The following SLC22A16 variants were observed in gnomAD, a reference collection of about 807,000 sequenced individuals.
SLC22A16 encodes solute carrier family 22 member 16.
A neutral mutation model predicts 52.9 loss-of-function variants in SLC22A16; 53 were observed. The observed-to-expected ratio is 1.00, with a 90% confidence interval of 0.80 to 1.26. The LOEUF is 1.26. Among genes scored for constraint, SLC22A16 ranks in the 50% most tolerant of loss-of-function variants. The pLI is 0.00. For missense variants in SLC22A16, 726 were observed against 704.0 expected (o/e 1.03, Z -0.35); for synonymous variants, 291 against 268.8 (o/e 1.08, Z -0.81).
intron 1 of SLC22A16, among the ~76,000 whole-genome samples, chr6:110,469,755 T>C (rs551993085): frequency 6.6e-6 from 1 of 151,654 alleles, no homozygotes; most frequent in Non-Finnish European, 1.5e-5. Context: ...TAATTTTTTG[T>C]AAAATCAAGC....
At chr6:110,457,286 A>G (rs1473342302) in intron 1 of SLC22A16, among the ~76,000 whole-genome samples, 3 of 152,236 alleles carry the variant, frequency 2.0e-5, no homozygotes, top group Non-Finnish European at 4.4e-5. Flanking sequence ...CCATTCTCCA[A>G]TGAGAGGAGC....
chr6:110,446,319 G>A (rs1241169027), intron 3 of SLC22A16, among the ~76,000 whole-genome samples: 1 of 152,098 alleles, frequency 6.6e-6, no homozygotes, highest in Non-Finnish European at 1.5e-5. Context: ...ACTGAATCCT[G>A]AGAATAATAA....
intron 5 of SLC22A16, among the ~76,000 whole-genome samples, chr6:110,436,532 A>T (rs991702405): frequency 1.3e-5 from 2 of 152,220 alleles, no homozygotes; most frequent in African/African-American, 2.4e-5. Context: ...AAGCTAAGGC[A>T]GGAGGATCAT....
Position 110,427,260 on chromosome 6 carries a change from A to AAAAG in SLC22A16, c.1522-2176_1522-2175insCTTT, listed in dbSNP as rs1554222363. The stretch of plus-strand genomic sequence containing the variant: ...GAGACCCAATCTCAAAAAAAAAAAA[A>AAAAG]AAAAGAAAAAAAAGAAAGAAAGAAA... On this transcript the variant is annotated intron_variant, in intron 7 of 7. Transcript: ENST00000368919. 3.6e-4 allele frequency among the ~76,000 whole-genome samples: 50 copies of AAAAG among 137,986 alleles called. 2 individuals are homozygous for AAAAG. The highest frequency in any genetic ancestry group is 3.5e-3 in the Middle Eastern group (1 of 282). The allele number at this position is 137,986 out of a possible 152,430, so 90.5% of individuals were successfully genotyped here. A position where few individuals can be genotyped will look rare whatever the true frequency, so the allele number is the denominator to read the frequency against.
chr6:110,457,237 A>C (rs532821024), intron 1 of SLC22A16, among the ~76,000 whole-genome samples: 3 of 152,378 alleles, frequency 2.0e-5, no homozygotes, highest in African/African-American at 4.8e-5. Flanking sequence ...TCCCAAGAGC[A>C]GCAAGCACAC....
chr6:110,440,575 C>T (rs1340903307), intron 4 of SLC22A16, among the ~76,000 whole-genome samples: 5 of 152,076 alleles, frequency 3.3e-5, no homozygotes, highest in African/African-American at 7.2e-5. Context: ...GTCAGGAGTT[C>T]GAGACCAGCC....
chr6:110,431,390 G>A (rs1310972063), intron 6 of SLC22A16, 120 bp from the exon 7 acceptor site: 7 of 763,136 alleles, frequency 9.2e-6, no homozygotes, highest in African/African-American at 1.7e-5. Flanking sequence ...GTCAGGCAGC[G>A]CATTACAACG....
chr6:110,434,902 C>G (rs1394827309), intron 6 of SLC22A16, among the ~76,000 whole-genome samples: 2 of 152,086 alleles, frequency 1.3e-5, no homozygotes, highest in Non-Finnish European at 2.9e-5. Context: ...TGCTTGAACC[C>G]AGGAGGCGGA....
intron 1 of SLC22A16, among the ~76,000 whole-genome samples, chr6:110,473,617 T>C (rs2114327974): frequency 7.0e-6 from 1 of 142,158 alleles, no homozygotes; most frequent in East Asian, 2.3e-4. Context: ...CTCTGCCTCC[T>C]GGGTTCACGC....
Position 110,442,588 on chromosome 6 carries a change from G to A in SLC22A16, c.839C>T (p.Pro280Leu), listed in dbSNP as rs1775016098. Residue 280 changes from proline to leucine, a missense_variant, in exon 4 of 8, where the codon CCC (proline) becomes CTC (leucine). Physicochemically the swap from Pro to Leu is moderately conservative, Grantham distance 98. Transcript: ENST00000368919. ...YQMILSTVTV[P>L]FILCCWVLPE... is the part of the protein sequence containing the mutation. ...GAGCACCCAACAGCACAGGATAAAG[G>A]GGACAGTCACTGTGGAGAGGATCAT... 8 of 1,614,108 alleles carry A rather than the reference G, an allele frequency of 5.0e-6. No individual in the cohort carries two copies. The highest frequency in any genetic ancestry group is 5.1e-6 in the Non-Finnish European group (6 of 1,180,032).
intron 3 of SLC22A16, among the ~76,000 whole-genome samples, chr6:110,445,358 C>T (rs532833653): frequency 9.2e-5 from 14 of 152,278 alleles, no homozygotes; most frequent in Non-Finnish European, 1.3e-4. Context: ...CCCTGGTGAA[C>T]GCTCCAGACC....
chr6:110,455,437 T>C (rs940414335), intron 2 of SLC22A16: 9 of 152,078 alleles, frequency 5.9e-5, no homozygotes, highest in Admixed American at 6.6e-5. Flanking sequence ...TCTTTTGACA[T>C]GTTTATCAGC....
In SLC22A16 at chr6:110,447,205, T is replaced by C. The variant is rs533248724; in HGVS notation, c.534-215A>G. Among the ~76,000 whole-genome samples, 4 of 152,314 alleles carry C rather than the reference T, an allele frequency of 2.6e-5. No individual in the cohort carries two copies. The East Asian group carries it at 7.7e-4, about 29-fold the overall frequency. ...GAGAGGCCTTTACCTGAGTTGCTAA[T>C]ATACATACCTGATCACTCTGAGTCA... On this transcript the variant is annotated intron_variant, in intron 2 of 7. Coordinates refer to ENST00000368919, the MANE Select transcript of SLC22A16 (RefSeq NM_033125.4).
intron 7 of SLC22A16, chr6:110,425,336 G>A (rs751175137): frequency 7.0e-7 from 1 of 1,424,208 alleles, no homozygotes; most frequent in South Asian, 1.2e-5. Context: ...CTCCTTAATT[G>A]CCAGCTACTG....
intron 1 of SLC22A16, 146 bp from the exon 2 acceptor site, chr6:110,457,163 T>C: frequency 1.2e-6 from 1 of 802,116 alleles, no homozygotes. Context: ...TTTATATCTG[T>C]GGGTTAGTAT....
rs530802315 is a variant in SLC22A16, at chr6:110,442,251, G to T, written c.1176C>A (p.Phe392Leu). ...TATACTGTAACTACTTACCCAGGAG[G>T]AAGAGGTTTAAGTATTCATTGCCTC... ...NLGGNEYLNLFLLGVVEIPAY... is the reference protein window; with the variant it reads ...NLGGNEYLNLLLLGVVEIPAY... Residue 392 changes from phenylalanine to leucine, a missense_variant, in exon 4 of 8, where the codon TTC becomes TTA. Coordinates refer to ENST00000368919, the MANE Select transcript of SLC22A16 (RefSeq NM_033125.4). The T allele has an allele frequency of 3.1e-6, 5 of 1,613,392 alleles. No individual in the cohort carries two copies. In the South Asian group the frequency reaches 5.5e-5, roughly 18 times the overall value.
chr6:110,469,258 G>GT (rs1776179894), intron 1 of SLC22A16, among the ~76,000 whole-genome samples: 1 of 152,202 alleles, frequency 6.6e-6, no homozygotes, highest in African/African-American at 2.4e-5. Flanking sequence ...GCCGGGCGCA[G>GT]TGGCTCATGC....
At chr6:110,425,415 A>G (rs778921091) in intron 7 of SLC22A16, 17 of 1,316,288 alleles carry the variant, frequency 1.3e-5, no homozygotes, top group Non-Finnish European at 1.6e-5. Context: ...CACTTACCCC[A>G]TCTTTCCAGA....
At position 110,456,583 on chromosome 6, in the gene SLC22A16, A is replaced by G. The variant is rs1775663285; in HGVS notation, c.488T>C (p.Phe163Ser). 6.2e-7 allele frequency: 1 copy of G among 1,614,208 alleles called. No individual in the cohort carries two copies. Among genetic ancestry groups the G allele is most frequent in the East Asian group, 2.2e-5 (1 of 44,890 alleles). ...AGTCACCGATCCCAGTAGGACTCCA[A>G]ACATAAATAGGGGCTGGATCAGCAT... ...LAMLIQPLFM[F>S]GVLLGSVTFG... Residue 163 changes from phenylalanine (F) to serine (S), a missense_variant, in exon 2 of 8, where the codon TTT becomes TCT. Coordinates refer to ENST00000368919, the MANE Select transcript of SLC22A16 (RefSeq NM_033125.4).
Sources: allele counts gnomAD v4.1 joint callset (sites outside exome capture counted in the v4.1 genomes callset), GRCh38; gene constraint gnomAD v4.1.1; transcripts MANE v1.5; gene names NCBI Gene and HGNC (gene_info 2026-07-23, HGNC 2026-07-21).